Variants in DLG2 observed in about 807,000 individuals in gnomAD.
DLG2 encodes the protein discs large MAGUK scaffold protein 2.
A neutral mutation model predicts 132.5 loss-of-function variants in DLG2; 45 were observed. The ratio of observed to expected loss-of-function variants is 0.34; its 90% CI spans 0.27 to 0.44. DLG2 has a LOEUF of 0.44. Ranked by LOEUF, DLG2 falls within the 20% of genes least tolerant of loss-of-function variation. DLG2 has a pLI of 1.00. For missense variants in DLG2, 1,045 were observed against 1,196.9 expected (o/e 0.87, Z 1.87); for synonymous variants, 424 against 419.6 (o/e 1.01, Z -0.13).
At chr11:85,041,981 C>T (rs548061635) in intron 6 of DLG2, among the ~76,000 whole-genome samples, 3 of 151,830 alleles carry the variant, frequency 2.0e-5, no homozygotes, top group Admixed American at 6.6e-5. Context: ...TTGGGTACAA[C>T]GTACACTATT....
At chr11:84,707,709 A>C (rs1259861160) in intron 6 of DLG2, among the ~76,000 whole-genome samples, 1 of 151,834 alleles carries the variant, frequency 6.6e-6, no homozygotes, top group African/African-American at 2.4e-5. Context: ...TTCATTGCAC[A>C]GATGGAATTT....
chr11:83,558,364 T>C (rs1350013092), intron 19 of DLG2, among the ~76,000 whole-genome samples: 2 of 152,212 alleles, frequency 1.3e-5, no homozygotes, highest in Admixed American at 6.5e-5. Context: ...TCAATCTTTA[T>C]AGACATACAA....
At chr11:84,717,630 G>C (rs1024977400) in intron 6 of DLG2, among the ~76,000 whole-genome samples, 9 of 151,900 alleles carry the variant, frequency 5.9e-5, no homozygotes, top group African/African-American at 1.7e-4. Context: ...AAACAGCATA[G>C]AGCAAAGAAA....
intron 14 of DLG2, among the ~76,000 whole-genome samples, chr11:83,939,401 G>T (rs769253168): frequency 5.3e-5 from 8 of 152,076 alleles, no homozygotes; most frequent in Non-Finnish European, 8.8e-5. Flanking sequence ...TTCTTAGCCA[G>T]TACTATGAAA....
At chr11:85,513,463 G>A (rs79062557) in intron 3 of DLG2, among the ~76,000 whole-genome samples, 5,409 of 152,086 alleles carry the variant, frequency 0.036, 147 homozygotes, top group Admixed American at 0.053. Context: ...TGTCAATAGT[G>A]AGCAAACCAA....
chr11:85,301,263 A>C (rs1369299729), intron 3 of DLG2, among the ~76,000 whole-genome samples: 3 of 152,156 alleles, frequency 2.0e-5, no homozygotes, highest in Non-Finnish European at 2.9e-5. Context: ...GTATAAGATA[A>C]GGCTGGAGAG....
chr11:84,282,476 G>A (rs974780122), intron 7 of DLG2, among the ~76,000 whole-genome samples: 3 of 152,028 alleles, frequency 2.0e-5, no homozygotes, highest in Admixed American at 6.5e-5. Context: ...TGAATTGATG[G>A]TTTCATATGT....
chr11:85,084,864 T>C (rs561396525), intron 6 of DLG2, among the ~76,000 whole-genome samples: 92 of 152,246 alleles, frequency 6.0e-4, no homozygotes, highest in African/African-American at 2.1e-3. Context: ...GCAAAACACA[T>C]TTTCATTAGA....
intron 6 of DLG2, among the ~76,000 whole-genome samples, chr11:84,864,570 C>A (rs960437024): frequency 6.6e-6 from 1 of 152,148 alleles, no homozygotes; most frequent in Admixed American, 6.5e-5. Flanking sequence ...TCTTTATAAG[C>A]TTCAGAAATC....
chr11:84,624,531 T>C (rs2099618949), intron 6 of DLG2, among the ~76,000 whole-genome samples: 1 of 152,118 alleles, frequency 6.6e-6, no homozygotes, highest in African/African-American at 2.4e-5. Context: ...GGAGTTCTCA[T>C]ACATTAAGCA....
intron 3 of DLG2, among the ~76,000 whole-genome samples, chr11:85,496,882 C>G (rs1290979057): frequency 2.0e-5 from 3 of 152,086 alleles, no homozygotes. Flanking sequence ...ATAGTATCAA[C>G]GTCAACAAAA....
chr11:85,141,031 G>A (rs959149629), intron 5 of DLG2, among the ~76,000 whole-genome samples: 42 of 151,930 alleles, frequency 2.8e-4, no homozygotes, highest in African/African-American at 9.2e-4. Context: ...ATAAATACAG[G>A]AGTGTAGGTA....
intron 6 of DLG2, among the ~76,000 whole-genome samples, chr11:85,103,157 A>T (rs985243529): frequency 2.6e-5 from 4 of 151,992 alleles, no homozygotes; most frequent in African/African-American, 9.7e-5. Flanking sequence ...GGATCAGAAG[A>T]TATAATACTG....
intron 6 of DLG2, among the ~76,000 whole-genome samples, chr11:85,104,822 CAT>C (rs1277698186): frequency 8.5e-6 from 1 of 118,298 alleles, no homozygotes; most frequent in Non-Finnish European, 1.6e-5. Context: ...GGAAGAATGT[CAT>C]AAAGTTTTAT....
intron 18 of DLG2, among the ~76,000 whole-genome samples, chr11:83,645,193 G>T (rs2153496827): frequency 6.6e-6 from 1 of 152,172 alleles, no homozygotes; most frequent in South Asian, 2.1e-4. Context: ...TTTACAGCTT[G>T]GGCAACTGAC....
chr11:84,617,746 A>C (rs2099607065), intron 6 of DLG2, among the ~76,000 whole-genome samples: 1 of 152,120 alleles, frequency 6.6e-6, no homozygotes, highest in Admixed American at 6.6e-5. Flanking sequence ...TTGAAAATAA[A>C]AGTGAGCACT....
At chr11:85,230,828 T>C (rs1342398588) in intron 4 of DLG2, among the ~76,000 whole-genome samples, 3 of 152,004 alleles carry the variant, frequency 2.0e-5, no homozygotes, top group East Asian at 3.9e-4. Context: ...ATGAATGGAA[T>C]TAGCACCCTT....
rs138185367 is a variant in DLG2, at chr11:84,410,280, G to C, written c.519+124290C>G. ...GTCACATACCTGGTTAGGCATGATA[G>C]ATCAAGGATTAAAACTCAGGACTCA... On this transcript the variant is annotated intron_variant, in intron 7 of 27. Transcript: ENST00000376104. Among the ~76,000 whole-genome samples, 23 of 152,244 alleles carry C rather than the reference G, an allele frequency of 1.5e-4. No individual in the cohort carries two copies. The East Asian group carries it at 3.9e-3, about 26-fold the overall frequency.
intron 14 of DLG2, among the ~76,000 whole-genome samples, chr11:83,934,749 C>T (rs1255658978): frequency 6.6e-6 from 1 of 152,158 alleles, no homozygotes; most frequent in Non-Finnish European, 1.5e-5. Flanking sequence ...ATTCACAATG[C>T]TCTCTCCTTC....
Sources: gnomAD v4.1 joint callset for allele counts (sites outside exome capture counted in the v4.1 genomes callset) on GRCh38, gnomAD v4.1.1 for gene constraint, MANE v1.5 for transcripts, NCBI Gene and HGNC (gene_info 2026-07-23, HGNC 2026-07-21) for gene names.